The following FGF14 variants were observed in gnomAD, a reference collection of about 807,000 sequenced individuals.
FGF14 encodes fibroblast growth factor homologous factor 4.
In FGF14, 5 loss-of-function variants were observed where a neutral mutation model predicts 25.5. The ratio of observed to expected loss-of-function variants is 0.20; its 90% CI spans 0.10 to 0.41. FGF14 has a LOEUF of 0.41. Among genes scored for constraint, FGF14 ranks in the 10% least tolerant of loss-of-function variants. The probability of loss-of-function intolerance (pLI) is 1.00; values close to 1 mark genes in which losing one functional copy is unlikely to be tolerated. For missense variants in FGF14, 222 were observed against 320.1 expected, an observed-to-expected ratio of 0.69 and a Z score of 2.34; for synonymous variants, 138 against 118.3, an observed-to-expected ratio of 1.17 and a Z score of -1.08.
intron 1 of FGF14, among the ~76,000 whole-genome samples, chr13:101,886,909 GACAT>G (rs1284206668): frequency 4.6e-5 from 7 of 151,980 alleles, no homozygotes; most frequent in African/African-American, 1.4e-4. Context: ...CTTGAAAGAA[GACAT>G]ACAAATAGCC....
rs147513867 is a variant in FGF14 at position 102,304,181 on chromosome 13, T to C, written c.208+97290A>G. On this transcript the variant is annotated intron_variant, in intron 1 of 4. Transcript: ENST00000376131. Reference sequence around the variant, plus strand: ...AATGATAAATAGCAAGGTATACACCTTGCTTTCTTCTCTGAAACCCAGTCC... The same window carrying C: ...AATGATAAATAGCAAGGTATACACCCTGCTTTCTTCTCTGAAACCCAGTCC... Among the ~76,000 whole-genome samples the C allele has an allele frequency of 2.0e-5, 3 of 152,224 alleles. No homozygotes were observed. The East Asian group carries it at 5.8e-4, about 29-fold the overall frequency.
chr13:102,099,972 T>C (rs1171714469), intron 1 of FGF14, among the ~76,000 whole-genome samples: 8 of 152,114 alleles, frequency 5.3e-5, no homozygotes, highest in Admixed American at 5.2e-4. Flanking sequence ...AAGCAAAAAT[T>C]AGACTCATGT....
intron 1 of FGF14, among the ~76,000 whole-genome samples, chr13:102,184,525 G>T (rs2048802488): frequency 1.3e-5 from 2 of 152,162 alleles, no homozygotes; most frequent in Non-Finnish European, 2.9e-5. Context: ...AAGTAAAGTG[G>T]TGATGAATGA....
chr13:101,719,299 T>A lies in FGF14; in HGVS notation c.*3532A>T, dbSNP rs999726333. On this transcript the variant is annotated 3_prime_UTR_variant, in exon 5 of 5. Transcript: ENST00000376143. ...CATTAATTAAGCAAGTGGCTAGGTA[T>A]GATAAAGAACTTCTGCTTGCTCCCC... The A allele has an allele frequency of 6.6e-6, 1 of 152,092 alleles. No homozygotes were observed. The highest frequency in any genetic ancestry group is 2.4e-5 in the African/African-American group (1 of 41,420). 9.4% of individuals were successfully genotyped at this position (152,092 alleles called of 1,614,324 possible).
chr13:102,057,727 C>A (rs2042498365), intron 1 of FGF14, among the ~76,000 whole-genome samples: 1 of 151,936 alleles, frequency 6.6e-6, no homozygotes, highest in Non-Finnish European at 1.5e-5. Flanking sequence ...TAATTCAGTG[C>A]TGACTGAAAA....
chr13:101,715,715 GA>G lies in FGF14; in HGVS notation c.*7115del. ...CTGGGCCATTAGAACAGATAAATGC[GA>G]AGGAAACCATGTATATTCACCACTA... On this transcript the variant is annotated 3_prime_UTR_variant, in exon 5 of 5. Coordinates refer to ENST00000376143, the MANE Select transcript of FGF14 (RefSeq NM_004115.4). 1 of 1,057,602 alleles carries G rather than the reference GA, an allele frequency of 9.5e-7. No homozygotes were observed. Among genetic ancestry groups the G allele is most frequent in the Non-Finnish European group, 1.5e-6 (1 of 673,296 alleles). The allele number at this position is 1,057,602 out of a possible 1,614,324, so 65.5% of individuals were successfully genotyped here. A position where few individuals can be genotyped will look rare whatever the true frequency, so the allele number is the denominator to read the frequency against.
chr13:101,948,738 T>C (rs913775409), intron 1 of FGF14, among the ~76,000 whole-genome samples: 10 of 151,888 alleles, frequency 6.6e-5, no homozygotes, highest in African/African-American at 2.2e-4. Flanking sequence ...AAAGAACAAA[T>C]AAAAAGGAAG....
chr13:102,276,702 A>G lies in FGF14; in HGVS notation c.208+124769T>C, dbSNP rs183903852. ...ACAAAGAGATGTGTGTTTGAGCCCT[A>G]ATGTTTTCAGAGAATTTTTTATTTA... On this transcript the variant is annotated intron_variant, in intron 1 of 4. Transcript: ENST00000376131. Among the ~76,000 whole-genome samples the G allele has an allele frequency of 7.2e-5, 11 of 152,184 alleles. No individual in the cohort carries two copies. The East Asian group carries it at 1.9e-3, about 27-fold the overall frequency.
At chr13:102,271,415 ACT>A (rs1336215949) in intron 1 of FGF14, among the ~76,000 whole-genome samples, 1 of 151,972 alleles carries the variant, frequency 6.6e-6, no homozygotes, top group Admixed American at 6.6e-5. Context: ...AACATTTATA[ACT>A]CTGAGCCACG....
At chr13:101,889,554 C>G (rs920931618) in intron 1 of FGF14, among the ~76,000 whole-genome samples, 1 of 151,958 alleles carries the variant, frequency 6.6e-6, no homozygotes, top group African/African-American at 2.4e-5. Context: ...TTTATAAACC[C>G]ACGTCTGAAG....
intron 1 of FGF14, among the ~76,000 whole-genome samples, chr13:102,281,366 C>T (rs1255792783): frequency 6.6e-6 from 1 of 152,100 alleles, no homozygotes; most frequent in Non-Finnish European, 1.5e-5. Flanking sequence ...TCCCTGAAAA[C>T]TCTATTCATC....
Position 102,121,361 on chromosome 13 carries a change from T to G in FGF14, c.209-246065A>C, listed in dbSNP as rs548604996. On this transcript the variant is annotated intron_variant, in intron 1 of 4. Transcript: ENST00000376131. ...AAGGGACCATACTCTTCACCATTTT[T>G]TATCCCATCCATCTCCAGAAGAGAT... Among the ~76,000 whole-genome samples, 7 of 152,284 alleles carry G rather than the reference T, an allele frequency of 4.6e-5. No individual in the cohort carries two copies. In the East Asian group the frequency reaches 1.3e-3, roughly 29 times the overall value.
chr13:102,141,755 GA>G (rs1336941131), intron 1 of FGF14, among the ~76,000 whole-genome samples: 2 of 151,912 alleles, frequency 1.3e-5, no homozygotes, highest in African/African-American at 4.8e-5. Flanking sequence ...ATAATGTACC[GA>G]AAGAAAAAAA....
At chr13:101,980,856 GT>G (rs1161231638) in intron 1 of FGF14, among the ~76,000 whole-genome samples, 2 of 152,134 alleles carry the variant, frequency 1.3e-5, no homozygotes, top group African/African-American at 4.8e-5. Flanking sequence ...AAATTCCTAT[GT>G]TGAAATCAAA....
At chr13:101,945,537 G>A (rs1361286843) in intron 1 of FGF14, among the ~76,000 whole-genome samples, 3 of 152,128 alleles carry the variant, frequency 2.0e-5, no homozygotes, top group African/African-American at 7.2e-5. Context: ...GTGGACCGTG[G>A]CAAGAGGCTG....
At chr13:102,244,874 A>C (rs1488118009) in intron 1 of FGF14, among the ~76,000 whole-genome samples, 1 of 152,116 alleles carries the variant, frequency 6.6e-6, no homozygotes, top group African/African-American at 2.4e-5. Context: ...AGAGGAAAAC[A>C]GATTTAATGT....
intron 1 of FGF14, among the ~76,000 whole-genome samples, chr13:102,263,656 A>C (rs1437711202): frequency 6.6e-6 from 1 of 152,186 alleles, no homozygotes; most frequent in African/African-American, 2.4e-5. Context: ...TAAATAATAA[A>C]TGTTAGCACA....
chr13:101,911,124 C>T (rs565652664), intron 1 of FGF14, among the ~76,000 whole-genome samples: 79 of 151,916 alleles, frequency 5.2e-4, no homozygotes, highest in Middle Eastern at 3.4e-3. Flanking sequence ...ATTTAGAAGA[C>T]GTAACTTTAC....
intron 1 of FGF14, among the ~76,000 whole-genome samples, chr13:102,336,571 A>G (rs766397793): frequency 2.7e-4 from 41 of 152,324 alleles, no homozygotes; most frequent in Admixed American, 3.9e-4. Context: ...AGATCTAGCT[A>G]AGATCATTGA....
Sources: gnomAD v4.1 joint callset for allele counts (sites outside exome capture counted in the v4.1 genomes callset) on GRCh38, gnomAD v4.1.1 for gene constraint, MANE v1.5 for transcripts, NCBI Gene and HGNC (gene_info 2026-07-23, HGNC 2026-07-21) for gene names.